Variants in MECOM observed in about 807,000 individuals in gnomAD.
MECOM encodes MDS1 and EVI1 complex locus, also known as histone-lysine N-methyltransferase MECOM.
In MECOM, 13 loss-of-function variants were observed where a neutral mutation model predicts 116.3. The observed-to-expected ratio is 0.11, with a 90% CI of 0.07 to 0.18. The LOEUF (loss-of-function observed/expected upper bound fraction) is 0.18, where lower values mean the gene tolerates loss of function less well. Ranked by LOEUF, MECOM falls within the 10% of genes least tolerant of loss-of-function variation. The pLI is 1.00. For missense variants in MECOM, 1,299 were observed against 1,509.0 expected, an observed-to-expected ratio of 0.86 and a Z score of 2.31; for synonymous variants, 528 against 535.2, an observed-to-expected ratio of 0.99 and a Z score of 0.19.
At chr3:169,138,688 C>A (rs181341920) in intron 3 of MECOM, among the ~76,000 whole-genome samples, 4 of 152,222 alleles carry the variant, frequency 2.6e-5, no homozygotes, top group African/African-American at 7.2e-5. Context: ...GACAGATACC[C>A]TTGTAAAGGA....
At chr3:169,362,842 C>T (rs1490870683) in intron 2 of MECOM, among the ~76,000 whole-genome samples, 1 of 151,994 alleles carries the variant, frequency 6.6e-6, no homozygotes, top group Non-Finnish European at 1.5e-5. Flanking sequence ...GTTTCACACA[C>T]ACTTTACCTG....
intron 1 of MECOM, among the ~76,000 whole-genome samples, chr3:169,659,354 C>A (rs1775947259): frequency 6.6e-6 from 1 of 151,146 alleles, no homozygotes; most frequent in Non-Finnish European, 1.5e-5. Context: ...AGCCTTTCTG[C>A]CTCTACAGCT....
At chr3:169,211,760 T>C (rs1382731935) in intron 2 of MECOM, among the ~76,000 whole-genome samples, 1 of 152,200 alleles carries the variant, frequency 6.6e-6, no homozygotes, top group Admixed American at 6.6e-5. Flanking sequence ...TTTGTGTTCA[T>C]GGCTCCCAAA....
intron 2 of MECOM, among the ~76,000 whole-genome samples, chr3:169,248,107 A>T (rs763887500): frequency 2.0e-5 from 3 of 152,248 alleles, no homozygotes; most frequent in Non-Finnish European, 4.4e-5. Context: ...CAATATGTTA[A>T]CTATTTTTAT....
intron 1 of MECOM, among the ~76,000 whole-genome samples, chr3:169,521,840 A>G (rs552163013): frequency 5.9e-4 from 90 of 152,284 alleles, no homozygotes; most frequent in African/African-American, 2.1e-3. Context: ...GGTCAAAGCT[A>G]TTAGGAGGAA....
At position 169,297,981 on chromosome 3, in the gene MECOM, C is replaced by G. The variant is rs535221340; in HGVS notation, c.375+83206G>C. Among the ~76,000 whole-genome samples, 290 of 152,282 alleles carry G rather than the reference C, an allele frequency of 1.9e-3. 2 individuals are homozygous for G. Among genetic ancestry groups the G allele is most frequent in the Non-Finnish European group, 2.1e-3 (140 of 68,016 alleles). On this transcript the variant is annotated intron_variant, in intron 2 of 16. Coordinates refer to ENST00000651503, the MANE Select transcript of MECOM (RefSeq NM_004991.4). Reference sequence around the variant, plus strand: ...ATACCATAGAGTAACTTGTTCACTTCCAAACCACTCCTTTTGTGGGAACAT... The same window carrying G: ...ATACCATAGAGTAACTTGTTCACTTGCAAACCACTCCTTTTGTGGGAACAT...
intron 2 of MECOM, among the ~76,000 whole-genome samples, chr3:169,303,640 C>A (rs16853454): frequency 0.05 from 7,685 of 152,224 alleles, 571 homozygotes; most frequent in African/African-American, 0.16. Flanking sequence ...GAAGCAGCCC[C>A]AAAGTTGTGA....
At chr3:169,658,689 C>A (rs1232249811) in intron 1 of MECOM, among the ~76,000 whole-genome samples, 1 of 152,212 alleles carries the variant, frequency 6.6e-6, no homozygotes, top group African/African-American at 2.4e-5. Flanking sequence ...CCACGTCCAT[C>A]TTGGGCCACT....
chr3:169,557,021 T>A (rs1762112537), intron 1 of MECOM, among the ~76,000 whole-genome samples: 1 of 150,088 alleles, frequency 6.7e-6, no homozygotes, highest in South Asian at 2.1e-4. Context: ...CAGGACATGG[T>A]GTAAGGAGTG....
chr3:169,641,338 T>C (rs1474717400), intron 1 of MECOM, among the ~76,000 whole-genome samples: 3 of 152,148 alleles, frequency 2.0e-5, no homozygotes, highest in Non-Finnish European at 2.9e-5. Context: ...GTTCTCTATT[T>C]GCATAGCCAC....
chr3:169,543,596 C>T (rs11707159), intron 1 of MECOM, among the ~76,000 whole-genome samples: 24,721 of 151,950 alleles, frequency 0.16, 2,336 homozygotes, highest in East Asian at 0.35. Flanking sequence ...CATTATTTGA[C>T]GAAATTTCAA....
chr3:169,199,951 T>C (rs1443526467), intron 2 of MECOM, among the ~76,000 whole-genome samples: 2 of 152,118 alleles, frequency 1.3e-5, no homozygotes, highest in Non-Finnish European at 1.5e-5. Context: ...AAGCCATCCA[T>C]TTAAGAAGCA....
chr3:169,226,520 T>A (rs928019172), intron 2 of MECOM, among the ~76,000 whole-genome samples: 1 of 152,210 alleles, frequency 6.6e-6, no homozygotes, highest in Non-Finnish European at 1.5e-5. Context: ...ATTTATCAAA[T>A]ATTTACTATG....
chr3:169,606,204 G>C (rs1199950687), intron 1 of MECOM, among the ~76,000 whole-genome samples: 1 of 152,124 alleles, frequency 6.6e-6, no homozygotes, highest in South Asian at 2.1e-4. Flanking sequence ...CTGAGATCAG[G>C]AGTTCAAGAC....
intron 10 of MECOM, among the ~76,000 whole-genome samples, chr3:169,104,672 G>GT (rs1724743176): frequency 6.6e-6 from 1 of 152,084 alleles, no homozygotes. Context: ...ATAGAAACAC[G>GT]TTTCCTTTTA....
At chr3:169,445,992 G>A (rs1401262217) in intron 1 of MECOM, among the ~76,000 whole-genome samples, 1 of 152,194 alleles carries the variant, frequency 6.6e-6, no homozygotes, top group Non-Finnish European at 1.5e-5. Context: ...TACCCCCATT[G>A]TAGCTAGGAA....
At chr3:169,348,074 T>C (rs1725669592) in intron 2 of MECOM, among the ~76,000 whole-genome samples, 2 of 151,206 alleles carry the variant, frequency 1.3e-5, no homozygotes, top group South Asian at 2.1e-4. Context: ...CACTGAGCCT[T>C]AAAAAAAAAT....
intron 1 of MECOM, among the ~76,000 whole-genome samples, chr3:169,628,392 A>G (rs1181722192): frequency 2.6e-5 from 4 of 152,188 alleles, no homozygotes; most frequent in South Asian, 2.1e-4. Flanking sequence ...TTTAGTGCAC[A>G]TTGTTGCTTC....
chr3:169,421,692 A>C (rs1286153721), intron 1 of MECOM, among the ~76,000 whole-genome samples: 1 of 151,986 alleles, frequency 6.6e-6, no homozygotes, highest in East Asian at 1.9e-4. Flanking sequence ...TTTTTTAAAA[A>C]AAAAAAACAA....
Sources: allele counts gnomAD v4.1 joint callset (sites outside exome capture counted in the v4.1 genomes callset), GRCh38; gene constraint gnomAD v4.1.1; transcripts MANE v1.5; gene names NCBI Gene and HGNC (gene_info 2026-07-23, HGNC 2026-07-21).